GPR149: variants seen among roughly 807,000 people sequenced by gnomAD.
GPR149 encodes the protein probable G protein-coupled receptor 149.
A neutral mutation model predicts 50.2 loss-of-function variants in GPR149; 50 were observed. That is an observed-to-expected ratio of 1.00 (90% CI 0.79 to 1.26). GPR149 has a LOEUF of 1.26. Among genes scored for constraint, GPR149 ranks in the 50% most tolerant of loss-of-function variants. The probability of loss-of-function intolerance (pLI) is 0.00; values close to 1 mark genes in which losing one functional copy is unlikely to be tolerated. For missense variants in GPR149, 983 were observed against 895.4 expected (o/e 1.10, Z -1.25); for synonymous variants, 405 against 358.2 (o/e 1.13, Z -1.48).
At chr3:154,415,488 A>G (rs1711960701) in intron 3 of GPR149, among the ~76,000 whole-genome samples, 1 of 151,962 alleles carries the variant, frequency 6.6e-6, no homozygotes, top group African/African-American at 2.4e-5. Context: ...TTTCAGCCAC[A>G]CTTCAAATAG....
intron 3 of GPR149, among the ~76,000 whole-genome samples, chr3:154,391,320 G>A (rs1715164338): frequency 6.6e-6 from 1 of 151,534 alleles, no homozygotes; most frequent in African/African-American, 2.4e-5. Flanking sequence ...GGGGTTTGTG[G>A]GGGGAGAAGT....
intron 3 of GPR149, chr3:154,352,799 C>T (rs1714112985): frequency 6.0e-6 from 5 of 828,208 alleles, no homozygotes; most frequent in East Asian, 2.4e-5. Context: ...GGAACACCTA[C>T]ACATTTAAAA....
chr3:154,392,595 A>C (rs1715195694), intron 3 of GPR149, among the ~76,000 whole-genome samples: 1 of 57,218 alleles, frequency 1.7e-5, no homozygotes, highest in Non-Finnish European at 3.3e-5. Flanking sequence ...ATTAGAACAA[A>C]ACTAAATGAA....
intron 3 of GPR149, among the ~76,000 whole-genome samples, chr3:154,379,725 G>A (rs1160125863): frequency 1.3e-5 from 2 of 151,992 alleles, no homozygotes; most frequent in Non-Finnish European, 2.9e-5. Context: ...CAATTGTTTG[G>A]CATCTTTGTG....
chr3:154,369,172 G>C (rs1714605401), intron 3 of GPR149, among the ~76,000 whole-genome samples: 1 of 152,050 alleles, frequency 6.6e-6, no homozygotes, highest in South Asian at 2.1e-4. Context: ...TTCCAAATGG[G>C]CACCATGCCT....
chr3:154,361,025 C>G (rs1474091434), intron 3 of GPR149, among the ~76,000 whole-genome samples: 1 of 152,138 alleles, frequency 6.6e-6, no homozygotes, highest in East Asian at 1.9e-4. Flanking sequence ...CCACTACCTA[C>G]ATAGCAACAG....
At position 154,429,062 on chromosome 3, in the gene GPR149, T is replaced by G. The variant is rs1454863227; in HGVS notation, c.554A>C (p.Asp185Ala). The G allele has an allele frequency of 1.9e-6, 3 of 1,613,850 alleles. No individual in the cohort carries two copies. Among genetic ancestry groups the G allele is most frequent in the Non-Finnish European group, 1.7e-6 (2 of 1,179,992 alleles). The part of the protein sequence containing the change: ...FVRTPWGCLV[D>A]CSSSYVLFLS... ...GAATAGTACGTAGGAGCTGGAGCAGTCCACCAGGCAGCCCCAGGGCGTGCG... is the reference window on the plus strand; with the variant it reads ...GAATAGTACGTAGGAGCTGGAGCAGGCCACCAGGCAGCCCCAGGGCGTGCG... Residue 185 changes from aspartate (D) to alanine (A), a missense_variant, in exon 1 of 4, where the codon GAC (aspartate) becomes GCC (alanine). By Grantham distance (126) the Asp-to-Ala change is moderately radical. Transcript: ENST00000389740.
intron 3 of GPR149, among the ~76,000 whole-genome samples, chr3:154,391,318 T>TG (rs1224451401): frequency 6.7e-6 from 1 of 148,740 alleles, no homozygotes; most frequent in East Asian, 2.0e-4. Context: ...GGGGGGTTTG[T>TG]GGGGGGAGAA....
chr3:154,352,619 T>C (rs750585952), intron 3 of GPR149: 1 of 777,834 alleles, frequency 1.3e-6, no homozygotes. Context: ...GGTTCAAAAC[T>C]TGATGCACCA....
chr3:154,344,480 AT>A (rs1360385119), intron 3 of GPR149, among the ~76,000 whole-genome samples: 1 of 152,308 alleles, frequency 6.6e-6, no homozygotes, highest in East Asian at 1.9e-4. Context: ...GTTGAATAGC[AT>A]CCCCCTCCAA....
intron 3 of GPR149, among the ~76,000 whole-genome samples, chr3:154,342,047 A>G (rs1031685956): frequency 6.6e-6 from 1 of 152,224 alleles, no homozygotes; most frequent in Non-Finnish European, 1.5e-5. Flanking sequence ...CTCATGTTAC[A>G]TGCAAAAATT....
Position 154,428,995 on chromosome 3 carries a change from G to T in GPR149, c.621C>A (p.Gly207=). 6.2e-7 allele frequency: 1 copy of T among 1,614,034 alleles called. No homozygotes were observed. The part of the protein sequence containing the change: ...VYALAFGLLV[G]LSVPLTHRLL... ...ATCGGTGAGTGAGTGGGACTGAGAG[G>T]CCCACGAGGAGTCCGAAGGCCAAAG... The change falls in exon 1 of 4, where the codon GGC becomes GGA. Residue 207 remains glycine, a synonymous_variant. Coordinates refer to ENST00000389740, the MANE Select transcript of GPR149 (RefSeq NM_001038705.3).
At position 154,427,749 on chromosome 3, in the gene GPR149, A is replaced by G. The variant is rs1441778468; in HGVS notation, c.982-41T>C. ...AACTTCAGACCTAACCTAAAATTAT[A>G]CTTTGTACTTCTCAAGCCTTTTCTC... On this transcript the variant is annotated intron_variant, in intron 1 of 3. Coordinates refer to ENST00000389740, the MANE Select transcript of GPR149 (RefSeq NM_001038705.3). 3.2e-6 allele frequency: 5 copies of G among 1,552,270 alleles called. 1 individual carries two copies. The South Asian group carries it at 6.1e-5, about 19-fold the overall frequency.
intron 3 of GPR149, among the ~76,000 whole-genome samples, chr3:154,355,409 A>G (rs751910690): frequency 1.1e-4 from 17 of 152,240 alleles, no homozygotes; most frequent in Admixed American, 2.0e-4. Flanking sequence ...GTGTACAATC[A>G]TCACAGACTG....
chr3:154,361,485 A>T (rs1350529573), intron 3 of GPR149, among the ~76,000 whole-genome samples: 1 of 152,148 alleles, frequency 6.6e-6, no homozygotes. Context: ...TTGCATTTAA[A>T]TTTTTTCTCA....
chr3:154,354,991 C>T (rs1714184307), intron 3 of GPR149, among the ~76,000 whole-genome samples: 1 of 152,072 alleles, frequency 6.6e-6, no homozygotes, highest in South Asian at 2.1e-4. Context: ...AAAACGTAAG[C>T]TTCTGAAATG....
At chr3:154,376,571 C>T (rs757387829) in intron 3 of GPR149, among the ~76,000 whole-genome samples, 1 of 152,146 alleles carries the variant, frequency 6.6e-6, no homozygotes, top group Non-Finnish European at 1.5e-5. Context: ...CAGTTACCAA[C>T]ACCAAACAAA....
chr3:154,364,494 C>T (rs530059249), intron 3 of GPR149, among the ~76,000 whole-genome samples: 152 of 152,290 alleles, frequency 1.0e-3, no homozygotes, highest in African/African-American at 3.2e-3. Context: ...TAAATCATCT[C>T]AGGCAAATTA....
At chr3:154,370,095 A>G (rs929365349) in intron 3 of GPR149, among the ~76,000 whole-genome samples, 6 of 152,204 alleles carry the variant, frequency 3.9e-5, no homozygotes, top group Non-Finnish European at 8.8e-5. Flanking sequence ...TTACACAGGA[A>G]AAAGAGAAAA....
Sources: gnomAD v4.1 joint callset for allele counts (sites outside exome capture counted in the v4.1 genomes callset) on GRCh38, gnomAD v4.1.1 for gene constraint, MANE v1.5 for transcripts, NCBI Gene and HGNC (gene_info 2026-07-23, HGNC 2026-07-21) for gene names.